The following FBN2 variants were observed in gnomAD, a reference collection of about 807,000 sequenced individuals.
FBN2 encodes the protein fibrillin 2.
Under a neutral mutation model 355.6 loss-of-function variants are expected in FBN2, and 105 were observed. That is an observed-to-expected ratio of 0.30 (90% CI 0.25 to 0.35). The LOEUF is 0.35. FBN2 is among the 10% of genes least tolerant of loss of function. The probability of loss-of-function intolerance (pLI) is 1.00; values close to 1 mark genes in which losing one functional copy is unlikely to be tolerated. For missense variants in FBN2, 3,280 were observed against 3,758.7 expected (o/e 0.87, Z 3.33); for synonymous variants, 1,350 against 1,301.2 (o/e 1.04, Z -0.81).
At chr5:128,322,511 A>C (rs1414548101) in intron 34 of FBN2, among the ~76,000 whole-genome samples, 1 of 152,196 alleles carries the variant, frequency 6.6e-6, no homozygotes. Flanking sequence ...ATGGCTAGCC[A>C]GTTTTCCCAG....
rs201052892 is a variant in FBN2 at position 128,296,807 on chromosome 5, T to G, written c.6166+4010A>C. 3.4e-3 allele frequency among the ~76,000 whole-genome samples: 524 copies of G among 152,254 alleles called. 5 individuals carry two copies. The highest frequency in any genetic ancestry group is 0.028 in the Admixed American group (422 of 15,302). ...AAACCAGCTCCTGGATTCGTTAATT[T>G]TTTGAAGGGTTTTTTGTGTCTCTAT... On this transcript the variant is annotated intron_variant, in intron 48 of 64. Coordinates refer to ENST00000262464, the MANE Select transcript of FBN2 (RefSeq NM_001999.4).
intron 5 of FBN2, among the ~76,000 whole-genome samples, chr5:128,510,333 G>T (rs985609593): frequency 6.6e-6 from 1 of 152,194 alleles, no homozygotes; most frequent in Non-Finnish European, 1.5e-5. Context: ...AAGCTCTCCT[G>T]GGCTGCATGA....
intron 2 of FBN2, 105 bp from the exon 3 acceptor site, chr5:128,530,798 T>C (rs1013052942): frequency 1.3e-6 from 1 of 752,802 alleles, no homozygotes; most frequent in African/African-American, 1.8e-5. Context: ...AAAACTAAGA[T>C]AAAATATATG....
At chr5:128,396,337 T>C (rs1581262456) in intron 8 of FBN2, among the ~76,000 whole-genome samples, 1 of 152,186 alleles carries the variant, frequency 6.6e-6, no homozygotes, top group Admixed American at 6.5e-5. Context: ...AGGCTGAACA[T>C]ATATATCTGT....
chr5:128,475,891 A>G (rs1476935969), intron 5 of FBN2, among the ~76,000 whole-genome samples: 1 of 152,210 alleles, frequency 6.6e-6, no homozygotes, highest in South Asian at 2.1e-4. Context: ...GAGCCATGTG[A>G]TAAGATAAAA....
Position 128,291,597 on chromosome 5 carries a change from G to GTAT in FBN2, c.6221_6223dup (p.Asn2074dup), listed in dbSNP as rs779133957. 6.2e-7 allele frequency: 1 copy of GTAT among 1,612,574 alleles called. No individual in the cohort carries two copies. The highest frequency in any genetic ancestry group is 2.2e-5 in the East Asian group (1 of 44,860). On this transcript the variant is annotated inframe_insertion, in exon 49 of 65. Transcript: ENST00000262464. The stretch of plus-strand genomic sequence containing the variant: ...GCAGAGGCACTGGAAGCCCCCTGGA[G>GTAT]TATTAGTACAGGAACCAAAAAGACA...
intron 13 of FBN2, 125 bp downstream of exon 13, chr5:128,377,627 T>C: frequency 9.9e-7 from 1 of 1,013,816 alleles, no homozygotes; most frequent in Non-Finnish European, 1.5e-6. Flanking sequence ...CATTTGCATT[T>C]TACCTAAGTT....
rs569223870 is a variant in FBN2, at chr5:128,262,217, A to AT, written c.8193-311dup. On this transcript the variant is annotated intron_variant, in intron 63 of 64. Coordinates refer to ENST00000262464, the MANE Select transcript of FBN2 (RefSeq NM_001999.4). ...CGGCACACACCACCACATCCAACTA[A>AT]TTTTTTTTAATTTTCATGTTTTGTA... is the stretch of plus-strand genomic sequence containing the variant. Among the ~76,000 whole-genome samples, 4 of 151,828 alleles carry AT rather than the reference A, an allele frequency of 2.6e-5. No homozygotes were observed. In the South Asian group the frequency reaches 8.4e-4, roughly 32 times the overall value.
intron 9 of FBN2, 41 bp from the exon 10 acceptor site, chr5:128,393,409 C>G: frequency 3.2e-6 from 5 of 1,560,906 alleles, no homozygotes; most frequent in Non-Finnish European, 3.5e-6. Context: ...AGGTGAATGT[C>G]TTTCTGCATA....
chr5:128,386,801 G>A (rs141959524), intron 11 of FBN2, among the ~76,000 whole-genome samples: 1,886 of 152,168 alleles, frequency 0.012, 44 homozygotes, highest in African/African-American at 0.043. Context: ...ACTTGATTGC[G>A]ATGAATTAGC....
intron 1 of FBN2, 82 bp from the exon 2 acceptor site, chr5:128,536,566 G>A (rs148218889): frequency 3.3e-6 from 3 of 917,064 alleles, no homozygotes; most frequent in African/African-American, 3.3e-5. Flanking sequence ...GCAATGCCCC[G>A]AGCGAGTAGA....
At chr5:128,474,138 C>CTA (rs1455061413) in intron 5 of FBN2, among the ~76,000 whole-genome samples, 1 of 152,148 alleles carries the variant, frequency 6.6e-6, no homozygotes, top group African/African-American at 2.4e-5. Context: ...AATTCACAGC[C>CTA]TATAACCCTA....
chr5:128,477,213 G>C (rs1298112151), intron 5 of FBN2, among the ~76,000 whole-genome samples: 1 of 152,072 alleles, frequency 6.6e-6, no homozygotes, highest in Non-Finnish European at 1.5e-5. Context: ...AGTGCTCAAG[G>C]GCCACATGTG....
At chr5:128,311,180 G>T in intron 39 of FBN2, 120 bp downstream of exon 39, 2 of 982,504 alleles carry the variant, frequency 2.0e-6, no homozygotes, top group East Asian at 2.6e-5. Context: ...AAAAAAAAAA[G>T]CTATGAACCA....
At chr5:128,412,705 C>A (rs898370712) in intron 7 of FBN2, among the ~76,000 whole-genome samples, 1 of 152,178 alleles carries the variant, frequency 6.6e-6, no homozygotes, top group Non-Finnish European at 1.5e-5. Flanking sequence ...TAGGCATATG[C>A]TAAATCCTGA....
intron 15 of FBN2, 40 bp downstream of exon 15, chr5:128,374,588 C>T (rs1193667729): frequency 6.2e-7 from 1 of 1,613,218 alleles, no homozygotes; most frequent in Non-Finnish European, 8.5e-7. Flanking sequence ...TTTCAAAGAT[C>T]ATTTTGCACA....
chr5:128,490,802 T>C (rs1486041839), intron 5 of FBN2, among the ~76,000 whole-genome samples: 2 of 152,316 alleles, frequency 1.3e-5, no homozygotes, highest in South Asian at 2.1e-4. Context: ...GTTCCTAATA[T>C]TAGCAGTAAC....
intron 5 of FBN2, among the ~76,000 whole-genome samples, chr5:128,518,045 A>G (rs947923421): frequency 6.6e-6 from 1 of 152,200 alleles, no homozygotes; most frequent in African/African-American, 2.4e-5. Context: ...CCATCAGGAC[A>G]TTATTTTAGA....
At position 128,345,444 on chromosome 5, in the gene FBN2, C is replaced by T. The variant is rs1339068640; in HGVS notation, c.3130G>A (p.Gly1044Ser). The T allele has an allele frequency of 1.2e-6, 2 of 1,614,018 alleles. No individual in the cohort carries two copies. The highest frequency in any genetic ancestry group is 1.7e-6 in the Non-Finnish European group (2 of 1,180,022). Reference sequence around the variant, plus strand: ...CACAGCGTCTCGTATTCCTTGGTGCCAGGTTTGGGGCACTCCTCACACTCG... The same window carrying T: ...CACAGCGTCTCGTATTCCTTGGTGCTAGGTTTGGGGCACTCCTCACACTCG... The part of the protein sequence containing the change: ...GTECEECPKP[G>S]TKEYETLCPR... Residue 1044 changes from glycine (G) to serine (S), a missense_variant, in exon 24 of 65, where the codon GGC becomes AGC. By Grantham distance (56) the Gly-to-Ser change is moderately conservative. Around this residue, in one of 6 missense-constraint regions of FBN2, gnomAD observed 2,284 missense variants for 2,749.5 expected, o/e 0.83. Coordinates refer to ENST00000262464, the MANE Select transcript of FBN2 (RefSeq NM_001999.4).
Sources: allele counts gnomAD v4.1 joint callset (sites outside exome capture counted in the v4.1 genomes callset), GRCh38; gene constraint gnomAD v4.1.1; regional missense constraint gnomAD v4.1.1; transcripts MANE v1.5; gene names NCBI Gene and HGNC (gene_info 2026-07-23, HGNC 2026-07-21).